The following ST6GALNAC5 variants were observed in gnomAD, a reference collection of about 807,000 sequenced individuals.
ST6GALNAC5 encodes alpha-N-acetylgalactosaminide alpha-2,6-sialyltransferase 5.
A neutral mutation model predicts 33.6 loss-of-function variants in ST6GALNAC5; 27 were observed. That is an observed-to-expected ratio of 0.80 (90% CI 0.59 to 1.11). The LOEUF (loss-of-function observed/expected upper bound fraction) is 1.11. ST6GALNAC5 is among the 50% of genes least tolerant of loss of function. The pLI is 0.00. For missense variants in ST6GALNAC5, 428 were observed against 454.0 expected (o/e 0.94, Z 0.52); for synonymous variants, 194 against 171.2 (o/e 1.13, Z -1.04).
chr1:76,895,596 A>G (rs1654112354), intron 2 of ST6GALNAC5, among the ~76,000 whole-genome samples: 1 of 152,228 alleles, frequency 6.6e-6, no homozygotes, highest in African/African-American at 2.4e-5. Flanking sequence ...GAGATTCAGC[A>G]TAGTCCTGCC....
chr1:77,009,179 A>G (rs1284027814), intron 2 of ST6GALNAC5, among the ~76,000 whole-genome samples: 2 of 152,188 alleles, frequency 1.3e-5, no homozygotes, highest in African/African-American at 4.8e-5. Context: ...GAGCCCCAGA[A>G]TATCTCCTGT....
At chr1:76,879,140 C>A (rs1361686132) in intron 2 of ST6GALNAC5, among the ~76,000 whole-genome samples, 1 of 152,282 alleles carries the variant, frequency 6.6e-6, no homozygotes, top group East Asian at 1.9e-4. Flanking sequence ...TCTTCTGGAA[C>A]CTCCCAGCTG....
chr1:77,045,197 C>A (rs537667799), intron 3 of ST6GALNAC5, among the ~76,000 whole-genome samples: 2 of 152,084 alleles, frequency 1.3e-5, no homozygotes, highest in Non-Finnish European at 2.9e-5. Flanking sequence ...AGCTACAACT[C>A]CATATTAAGA....
At chr1:76,977,595 C>T (rs1416720905) in intron 2 of ST6GALNAC5, among the ~76,000 whole-genome samples, 5 of 152,160 alleles carry the variant, frequency 3.3e-5, no homozygotes, top group Non-Finnish European at 7.3e-5. Flanking sequence ...TGGCTTACTT[C>T]ACTTAACATA....
chr1:76,993,377 T>C (rs1557752144), intron 2 of ST6GALNAC5, among the ~76,000 whole-genome samples: 3 of 152,196 alleles, frequency 2.0e-5, no homozygotes, highest in Admixed American at 2.0e-4. Context: ...AATCAATAGA[T>C]GCTAAACTAA....
intron 2 of ST6GALNAC5, among the ~76,000 whole-genome samples, chr1:76,941,748 G>C (rs577655451): frequency 6.6e-6 from 1 of 152,042 alleles, no homozygotes; most frequent in African/African-American, 2.4e-5. Flanking sequence ...AGGAGCCTTC[G>C]GAAGGAGCCT....
At chr1:76,974,710 G>T (rs2100370674) in intron 2 of ST6GALNAC5, among the ~76,000 whole-genome samples, 1 of 7,308 alleles carries the variant, frequency 1.4e-4, no homozygotes, top group South Asian at 3.4e-3. Flanking sequence ...TGAAATATAA[G>T]ATAACAGTCT....
At chr1:76,906,821 G>A (rs116235523) in intron 2 of ST6GALNAC5, among the ~76,000 whole-genome samples, 2,748 of 152,178 alleles carry the variant, frequency 0.018, 42 homozygotes, top group Non-Finnish European at 0.029. Context: ...TGCCCCGTAG[G>A]TACTTTATTT....
intron 1 of ST6GALNAC5, 60 bp downstream of exon 1, chr1:76,867,750 C>T: frequency 1.9e-6 from 3 of 1,613,332 alleles, no homozygotes; most frequent in East Asian, 2.2e-5. Flanking sequence ...TCAGGGTCCA[C>T]GGGACGCACC....
intron 2 of ST6GALNAC5, among the ~76,000 whole-genome samples, chr1:77,011,715 T>C (rs1650642470): frequency 6.6e-6 from 1 of 152,128 alleles, no homozygotes; most frequent in Admixed American, 6.5e-5. Context: ...TATAATATAG[T>C]GATAATGATA....
chr1:76,935,302 G>A (rs1037092256), intron 2 of ST6GALNAC5, among the ~76,000 whole-genome samples: 4 of 151,978 alleles, frequency 2.6e-5, no homozygotes, highest in African/African-American at 7.2e-5. Flanking sequence ...GTCTGGATAG[G>A]GGAAAAAATC....
At position 76,954,733 on chromosome 1, in the gene ST6GALNAC5, T is replaced by C. The variant is rs551993833; in HGVS notation, c.261+85991T>C. On this transcript the variant is annotated intron_variant, in intron 2 of 4. Transcript: ENST00000477717. ...GTAATTCATGCTATTACTTTGAAAT[T>C]GCTTAATTAATAGATTATTTTCAAA... 2.0e-5 allele frequency among the ~76,000 whole-genome samples: 3 copies of C among 152,228 alleles called. No homozygotes were observed. The South Asian group carries it at 6.2e-4, about 32-fold the overall frequency.
intron 2 of ST6GALNAC5, among the ~76,000 whole-genome samples, chr1:76,933,475 A>G (rs1298487106): frequency 6.6e-6 from 1 of 152,044 alleles, no homozygotes; most frequent in Non-Finnish European, 1.5e-5. Flanking sequence ...ATGTTTAAGT[A>G]TGAACAAATT....
intron 2 of ST6GALNAC5, among the ~76,000 whole-genome samples, chr1:76,898,047 C>T (rs1053280044): frequency 9.2e-5 from 14 of 152,194 alleles, no homozygotes; most frequent in Non-Finnish European, 1.5e-4. Flanking sequence ...AGCCGCTAAG[C>T]TAAGAAGATC....
intron 2 of ST6GALNAC5, among the ~76,000 whole-genome samples, chr1:77,018,052 A>G (rs1255043672): frequency 6.6e-6 from 1 of 152,196 alleles, no homozygotes; most frequent in African/African-American, 2.4e-5. Flanking sequence ...GAGATCCTTC[A>G]TTGGCGCTGA....
At chr1:76,985,686 C>T (rs553140252) in intron 2 of ST6GALNAC5, among the ~76,000 whole-genome samples, 1 of 152,216 alleles carries the variant, frequency 6.6e-6, no homozygotes, top group Admixed American at 6.5e-5. Flanking sequence ...CAAAAAAGAG[C>T]CCGCATTGCC....
At chr1:76,952,695 T>C (rs574757274) in intron 2 of ST6GALNAC5, among the ~76,000 whole-genome samples, 1 of 151,934 alleles carries the variant, frequency 6.6e-6, no homozygotes, top group African/African-American at 2.4e-5. Context: ...TTTTTAAAAC[T>C]AAAAAGTTTA....
chr1:76,955,131 T>A (rs1647902586), intron 2 of ST6GALNAC5, among the ~76,000 whole-genome samples: 1 of 152,128 alleles, frequency 6.6e-6, no homozygotes, highest in Non-Finnish European at 1.5e-5. Flanking sequence ...ATGTAGTGGT[T>A]TAAACAGACA....
chr1:76,997,058 A>C (rs1649965577), intron 2 of ST6GALNAC5, among the ~76,000 whole-genome samples: 1 of 152,214 alleles, frequency 6.6e-6, no homozygotes, highest in South Asian at 2.1e-4. Flanking sequence ...TTACTGTTTC[A>C]ATATGCTGGG....
Sources: allele counts gnomAD v4.1 joint callset (sites outside exome capture counted in the v4.1 genomes callset), GRCh38; gene constraint gnomAD v4.1.1; transcripts MANE v1.5; gene names NCBI Gene and HGNC (gene_info 2026-07-23, HGNC 2026-07-21).